The following DIP2B variants were observed in gnomAD, a reference collection of about 807,000 sequenced individuals.
The protein encoded by DIP2B is disco-interacting protein 2 homolog B.
DIP2B carries 76 observed loss-of-function variants against 198.0 expected under a neutral mutation model. The observed-to-expected ratio is 0.38, with a 90% confidence interval of 0.32 to 0.46. The LOEUF (loss-of-function observed/expected upper bound fraction) is 0.46. Among genes scored for constraint, DIP2B ranks in the 20% least tolerant of loss-of-function variants. DIP2B has a pLI of 0.99. For synonymous variants in DIP2B, 701 were observed against 739.1 expected, an observed-to-expected ratio of 0.95 and a Z score of 0.84; for missense variants, 1,559 against 1,978.4, an observed-to-expected ratio of 0.79 and a Z score of 4.02.
chr12:50,743,917 C>G (rs1940300557), intron 37 of DIP2B, among the ~76,000 whole-genome samples: 1 of 152,210 alleles, frequency 6.6e-6, no homozygotes, highest in African/African-American at 2.4e-5. Context: ...TCTTTTTCGC[C>G]TCCCTGAAGA....
chr12:50,569,125 G>T (rs187856518), intron 1 of DIP2B, among the ~76,000 whole-genome samples: 13 of 145,940 alleles, frequency 8.9e-5, no homozygotes, highest in Admixed American at 2.1e-4. Flanking sequence ...TCTTTTTAAT[G>T]CATGGGAATT....
chr12:50,725,018 G>A, intron 28 of DIP2B, 132 bp downstream of exon 28: 1 of 824,196 alleles, frequency 1.2e-6, no homozygotes, highest in Non-Finnish European at 2.0e-6. Flanking sequence ...GCAAAACCTA[G>A]GATCAGTAAG....
intron 1 of DIP2B, among the ~76,000 whole-genome samples, chr12:50,574,237 A>T (rs1398453587): frequency 6.6e-6 from 1 of 152,194 alleles, no homozygotes; most frequent in East Asian, 1.9e-4. Flanking sequence ...CTAAAATTAG[A>T]TTGTTGTTTA....
chr12:50,629,325 G>A (rs918413494), intron 2 of DIP2B, among the ~76,000 whole-genome samples: 1 of 152,104 alleles, frequency 6.6e-6, no homozygotes, highest in Non-Finnish European at 1.5e-5. Context: ...TTCTCAAATT[G>A]TAGCAAGCCC....
chr12:50,667,074 GCC>G (rs973383254), intron 4 of DIP2B, among the ~76,000 whole-genome samples: 4 of 152,222 alleles, frequency 2.6e-5, no homozygotes, highest in African/African-American at 9.6e-5. Flanking sequence ...TTGTCATGTT[GCC>G]CAGGCTGGTC....
chr12:50,617,182 G>A lies in DIP2B; in HGVS notation c.101-8794G>A, dbSNP rs559911321. On this transcript the variant is annotated intron_variant, in intron 1 of 37. Coordinates refer to ENST00000301180, the MANE Select transcript of DIP2B (RefSeq NM_173602.3). ...TGCTTTTTTTTTTTTTTGAGACGGAGTCTCGCTCTGTCACCTAGGCTGGAG... is the reference window on the plus strand; with the variant it reads ...TGCTTTTTTTTTTTTTTGAGACGGAATCTCGCTCTGTCACCTAGGCTGGAG... Among the ~76,000 whole-genome samples, 12 of 149,952 alleles carry A rather than the reference G, an allele frequency of 8.0e-5. No homozygotes were observed. In the East Asian group the frequency reaches 1.8e-3, roughly 22 times the overall value.
intron 32 of DIP2B, among the ~76,000 whole-genome samples, chr12:50,732,827 C>T (rs982635692): frequency 3.3e-5 from 5 of 152,118 alleles, no homozygotes; most frequent in African/African-American, 1.2e-4. Flanking sequence ...CTTGAGTCAT[C>T]GTCGTGTGGT....
chr12:50,741,531 T>C lies in DIP2B; in HGVS notation c.4470T>C (p.Ile1490=). 6.2e-7 allele frequency: 1 copy of C among 1,613,302 alleles called. No homozygotes were observed. Among genetic ancestry groups the C allele is most frequent in the Non-Finnish European group, 8.5e-7 (1 of 1,179,558 alleles). Residue 1490 remains isoleucine, a synonymous_variant, in exon 37 of 38, where the codon ATT becomes ATC. Coordinates refer to ENST00000301180, the MANE Select transcript of DIP2B (RefSeq NM_173602.3). ...ETSVSRIHRS[I]AECAVFTWTN... is the part of the protein sequence containing the mutation. ...CGGTGTCCCGGATCCACAGAAGCAT[T>C]GCTGAATGGTAACTCCCTCAGCATA...
At chr12:50,535,677 A>G (rs1013963259) in intron 1 of DIP2B, among the ~76,000 whole-genome samples, 1 of 151,780 alleles carries the variant, frequency 6.6e-6, no homozygotes, top group Non-Finnish European at 1.5e-5. Flanking sequence ...GGCCGAGCCC[A>G]GGAATTTTTT....
At chr12:50,723,534 T>A (rs1396646000) in intron 27 of DIP2B, among the ~76,000 whole-genome samples, 1 of 152,190 alleles carries the variant, frequency 6.6e-6, no homozygotes, top group Non-Finnish European at 1.5e-5. Context: ...TACAGAATTG[T>A]GTGCAGTTAT....
chr12:50,626,179 G>A (rs1033771760), intron 2 of DIP2B, 132 bp downstream of exon 2: 2 of 875,908 alleles, frequency 2.3e-6, no homozygotes, highest in Admixed American at 2.7e-5. Context: ...AAAAACGGAA[G>A]GAAAGAAAGG....
chr12:50,571,791 C>T (rs917039419), intron 1 of DIP2B, among the ~76,000 whole-genome samples: 14 of 151,546 alleles, frequency 9.2e-5, no homozygotes, highest in African/African-American at 3.2e-4. Flanking sequence ...ATCTCTTGAC[C>T]TCGTGATCCT....
chr12:50,662,789 A>G (rs537663530), intron 4 of DIP2B, among the ~76,000 whole-genome samples: 1 of 152,290 alleles, frequency 6.6e-6, no homozygotes, highest in South Asian at 2.1e-4. Context: ...AAGTCTTTAA[A>G]AAAAAAATGA....
At chr12:50,677,460 CA>C (rs1252803254) in intron 7 of DIP2B, among the ~76,000 whole-genome samples, 1 of 151,944 alleles carries the variant, frequency 6.6e-6, no homozygotes, top group African/African-American at 2.4e-5. Context: ...ACTAAAAATA[CA>C]AAAATTAGCC....
At chr12:50,536,143 G>A (rs1242376758) in intron 1 of DIP2B, among the ~76,000 whole-genome samples, 6 of 151,832 alleles carry the variant, frequency 4.0e-5, no homozygotes, top group South Asian at 2.1e-4. Flanking sequence ...ATTGTGAATA[G>A]TGCCGCGATA....
At chr12:50,710,160 T>C (rs545683166) in intron 22 of DIP2B, among the ~76,000 whole-genome samples, 1 of 152,306 alleles carries the variant, frequency 6.6e-6, no homozygotes, top group East Asian at 1.9e-4. Flanking sequence ...AAGACTTTTT[T>C]GTCTCTTTTG....
At chr12:50,622,667 G>A (rs10783381) in intron 1 of DIP2B, among the ~76,000 whole-genome samples, 44,058 of 151,926 alleles carry the variant, frequency 0.29, 6,577 homozygotes, top group East Asian at 0.36. Context: ...GGAGTACAGC[G>A]GTGTGATCTC....
intron 1 of DIP2B, among the ~76,000 whole-genome samples, chr12:50,515,756 G>A (rs1958058362): frequency 6.6e-6 from 1 of 152,124 alleles, no homozygotes; most frequent in South Asian, 2.1e-4. Context: ...GGCTGTGCAC[G>A]TGGTTCCCTA....
chr12:50,570,587 G>A (rs1371151011), intron 1 of DIP2B, among the ~76,000 whole-genome samples: 1 of 152,182 alleles, frequency 6.6e-6, no homozygotes, highest in Non-Finnish European at 1.5e-5. Flanking sequence ...GCACATGCCT[G>A]TAATCCCAGC....
Sources: gnomAD v4.1 joint callset for allele counts (sites outside exome capture counted in the v4.1 genomes callset) on GRCh38, gnomAD v4.1.1 for gene constraint, MANE v1.5 for transcripts, NCBI Gene and HGNC (gene_info 2026-07-23, HGNC 2026-07-21) for gene names.